The following GFM1 variants were observed in gnomAD, a reference collection of about 807,000 sequenced individuals.
GFM1 encodes the protein G elongation factor mitochondrial 1.
A neutral mutation model predicts 96.2 loss-of-function variants in GFM1; 62 were observed. The observed-to-expected ratio is 0.64, with a 90% confidence interval of 0.53 to 0.80. The LOEUF is 0.80. Among genes scored for constraint, GFM1 ranks in the 30% least tolerant of loss-of-function variants. The pLI, the probability that GFM1 is intolerant of heterozygous loss-of-function variation, is 0.00. For synonymous variants in GFM1, 282 were observed against 312.9 expected (o/e 0.90, Z 1.04); for missense variants, 852 against 916.6 (o/e 0.93, Z 0.91).
At chr3:158,660,687 T>TGA in intron 9 of GFM1, 187 bp from the exon 10 acceptor site, 1 of 606,060 alleles carries the variant, frequency 1.7e-6, no homozygotes, top group East Asian at 2.8e-5. Context: ...ATGAAGGCCT[T>TGA]TTAAAAATAC....
At position 158,664,243 on chromosome 3, in the gene GFM1, C is replaced by T. The variant is rs532913083; in HGVS notation, c.1381-1094C>T. Among the ~76,000 whole-genome samples, 10 of 152,290 alleles carry T rather than the reference C, an allele frequency of 6.6e-5. No homozygotes were observed. In the South Asian group the frequency reaches 1.2e-3, roughly 19 times the overall value. ...TGCTGACTTAAGAAGTTACCACAAA[C>T]GTAGTGGCTTAAAACAACACAAATA... On this transcript the variant is annotated intron_variant, in intron 11 of 17. Coordinates refer to ENST00000486715, the MANE Select transcript of GFM1 (RefSeq NM_024996.7).
At chr3:158,645,123 C>G (rs1721658693) in intron 1 of GFM1, among the ~76,000 whole-genome samples, 3 of 151,738 alleles carry the variant, frequency 2.0e-5, no homozygotes, top group Admixed American at 2.0e-4. Flanking sequence ...AAAGTTAAAA[C>G]AAGCTTCATG....
chr3:158,645,976 T>C, intron 2 of GFM1, 189 bp from the exon 3 acceptor site: 1 of 831,070 alleles, frequency 1.2e-6, no homozygotes, highest in South Asian at 1.5e-5. Flanking sequence ...ATAGAAGAGG[T>C]CTCACTTTGT....
At position 158,646,226 on chromosome 3, in the gene GFM1, G is replaced by A; in HGVS notation, c.296G>A (p.Gly99Glu). Residue 99 changes from glycine to glutamate, a missense_variant, in exon 3 of 18, where the codon GGA (glycine) becomes GAA (glutamate). By Grantham distance (98) the Gly-to-Glu change is moderately conservative. Coordinates refer to ENST00000486715, the MANE Select transcript of GFM1 (RefSeq NM_024996.7). ...MDSMELERQRGITIQSAATYT... is the reference protein window; with the variant it reads ...MDSMELERQREITIQSAATYT... ...TCCATGGAACTAGAGAGACAAAGAG[G>A]AATCACTATTCAGTCAGCAGCCACT... 1 of 1,613,832 alleles carries A rather than the reference G, an allele frequency of 6.2e-7. No homozygotes were observed. The highest frequency in any genetic ancestry group is 8.5e-7 in the Non-Finnish European group (1 of 1,179,724).
rs1428507456 is a variant in GFM1 at position 158,647,730 on chromosome 3, T to G, written c.572+783T>G. On this transcript the variant is annotated intron_variant, in intron 4 of 17. Coordinates refer to ENST00000486715, the MANE Select transcript of GFM1 (RefSeq NM_024996.7). The stretch of plus-strand genomic sequence containing the variant: ...TTTTTTTTGGTAAATTGTTTTTAGT[T>G]TTTATCCTTATTTTACTTATGCTTG... 2.6e-5 allele frequency among the ~76,000 whole-genome samples: 4 copies of G among 152,198 alleles called. No homozygotes were observed. In the East Asian group the frequency reaches 7.7e-4, roughly 29 times the overall value.
rs2108120659 is a variant in GFM1 at position 158,691,536 on chromosome 3, T to A, written c.*69T>A. On this transcript the variant is annotated 3_prime_UTR_variant, in exon 18 of 18. Coordinates refer to ENST00000486715, the MANE Select transcript of GFM1 (RefSeq NM_024996.7). ...GTTTTGATACTTTGATGGATTCCAG[T>A]GGAATAAATTCAGGCTGCTGAAACA... 1 of 1,558,370 alleles carries A rather than the reference T, an allele frequency of 6.4e-7. No homozygotes were observed. Among genetic ancestry groups the A allele is most frequent in the Non-Finnish European group, 8.8e-7 (1 of 1,133,326 alleles).
chr3:158,679,003 T>TA lies in GFM1; in HGVS notation c.1602-2986dup, dbSNP rs936199216. ...TGGGCAACATAGTGAGACCCATCTCTAAAAAACATTTTAAAAGAAATTGCC... is the reference window on the plus strand; with the variant it reads ...TGGGCAACATAGTGAGACCCATCTCTAAAAAAACATTTTAAAAGAAATTGCC... On this transcript the variant is annotated intron_variant, in intron 13 of 17. Transcript: ENST00000486715. Among the ~76,000 whole-genome samples, 9 of 152,270 alleles carry TA rather than the reference T, an allele frequency of 5.9e-5. 1 individual carries two copies. Among genetic ancestry groups the TA allele is most frequent in the African/African-American group, 1.9e-4 (8 of 41,554 alleles).
intron 14 of GFM1, chr3:158,682,482 T>C (rs1454914788): frequency 3.7e-6 from 1 of 272,898 alleles, no homozygotes; most frequent in Non-Finnish European, 7.2e-6. Flanking sequence ...ATGTGTACTA[T>C]TGCAGCAGAA....
intron 13 of GFM1, among the ~76,000 whole-genome samples, chr3:158,672,862 GA>G (rs1315212541): frequency 6.6e-6 from 1 of 152,140 alleles, no homozygotes; most frequent in Non-Finnish European, 1.5e-5. Flanking sequence ...AACCTTTATA[GA>G]AGTGCAGGGT....
At position 158,690,203 on chromosome 3, in the gene GFM1, G is replaced by A. The variant is rs1265447568; in HGVS notation, c.1950G>A (p.Met650Ile). 1 of 1,613,330 alleles carries A rather than the reference G, an allele frequency of 6.2e-7. No individual in the cohort carries two copies. Among genetic ancestry groups the A allele is most frequent in the Non-Finnish European group, 8.5e-7 (1 of 1,179,678 alleles). ...CATTATGTATTCTTGAACCTATTAT[G>A]GCTGTGGAAGTTGTAGCTCCAAATG... ...NATLCILEPI[M>I]AVEVVAPNEF... The change falls in exon 16 of 18, where the codon ATG becomes ATA. Residue 650 changes from methionine (M) to isoleucine (I), a missense_variant. Coordinates refer to ENST00000486715, the MANE Select transcript of GFM1 (RefSeq NM_024996.7).
intron 5 of GFM1, chr3:158,650,198 C>A: frequency 1.4e-6 from 1 of 736,966 alleles, no homozygotes; most frequent in Non-Finnish European, 2.3e-6. Flanking sequence ...GTAATGACAA[C>A]AAAGTTTACC....
chr3:158,686,293 TATATATAA>T, intron 15 of GFM1, among the ~76,000 whole-genome samples: 1 of 147,868 alleles, frequency 6.8e-6, no homozygotes. Context: ...ATATAAAGTA[TATATATAA>T]ATATATAATA....
intron 5 of GFM1, chr3:158,649,963 G>T (rs1283003394): frequency 1.4e-5 from 21 of 1,477,630 alleles, no homozygotes; most frequent in Non-Finnish European, 1.9e-5. Context: ...ATGATCCTTT[G>T]TTCTGAGGAG....
intron 4 of GFM1, 97 bp downstream of exon 4, chr3:158,647,044 C>T: frequency 1.0e-6 from 1 of 983,490 alleles, no homozygotes; most frequent in East Asian, 2.6e-5. Context: ...AAACTTTATT[C>T]TTAAATTTAG....
At chr3:158,660,656 GTCTATTGATATA>G in intron 9 of GFM1, 1 of 556,246 alleles carries the variant, frequency 1.8e-6, no homozygotes, top group Non-Finnish European at 3.2e-6. Flanking sequence ...GTAAAATCTT[GTCTATTGATATA>G]TGGTTTAAAT....
At position 158,666,403 on chromosome 3, in the gene GFM1, A is replaced by C; in HGVS notation, c.1601+17A>C. Reference sequence around the variant, plus strand: ...CCCTGTCCCGTAAGTATGCAACGTAATTAAACATTATGAGGCTGAAATTGA... The same window carrying C: ...CCCTGTCCCGTAAGTATGCAACGTACTTAAACATTATGAGGCTGAAATTGA... On this transcript the variant is annotated intron_variant, in intron 13 of 17. Transcript: ENST00000486715. 1 of 1,595,354 alleles carries C rather than the reference A, an allele frequency of 6.3e-7. No homozygotes were observed. The highest frequency in any genetic ancestry group is 8.6e-7 in the Non-Finnish European group (1 of 1,163,098).
chr3:158,686,871 T>G (rs1398112633), intron 15 of GFM1, among the ~76,000 whole-genome samples: 1 of 151,746 alleles, frequency 6.6e-6, no homozygotes, highest in African/African-American at 2.4e-5. Flanking sequence ...TAGCTGAGAT[T>G]ATAGGCATGC....
intron 14 of GFM1, 69 bp downstream of exon 14, chr3:158,682,226 C>T (rs1350292044): frequency 1.0e-5 from 13 of 1,276,096 alleles, no homozygotes; most frequent in Non-Finnish European, 5.6e-6. Context: ...TTAAATCATA[C>T]TTTGTCTTCC....
intron 14 of GFM1, among the ~76,000 whole-genome samples, chr3:158,683,249 A>G (rs183515989): frequency 1.5e-4 from 23 of 152,322 alleles, no homozygotes; most frequent in Non-Finnish European, 3.2e-4. Flanking sequence ...ATTAATGTAG[A>G]TGAAGGAGAA....
Sources: allele counts gnomAD v4.1 joint callset (sites outside exome capture counted in the v4.1 genomes callset), GRCh38; gene constraint gnomAD v4.1.1; transcripts MANE v1.5; gene names NCBI Gene and HGNC (gene_info 2026-07-23, HGNC 2026-07-21).